BASP1: variants seen among roughly 807,000 people sequenced by gnomAD.
BASP1 encodes the protein brain acid soluble protein 1.
In BASP1, 1 loss-of-function variant was observed where a neutral mutation model predicts 2.2. The observed-to-expected ratio is 0.46, with a 90% CI of 0.16 to 2.17. BASP1 has a LOEUF of 2.17. BASP1 is among the 30% of genes most tolerant of loss of function. BASP1 has a pLI of 0.27. For missense variants in BASP1, 352 were observed against 327.2 expected (o/e 1.08, Z -0.58); for synonymous variants, 187 against 154.2 (o/e 1.21, Z -1.58).
chr5:17,219,240 G>C (rs1739341265), intron 1 of BASP1, among the ~76,000 whole-genome samples: 1 of 152,250 alleles, frequency 6.6e-6, no homozygotes, highest in South Asian at 2.1e-4. Context: ...GGTGTGGAGG[G>C]CCCGGCAGCC....
chr5:17,241,536 C>A (rs759439385), intron 1 of BASP1, among the ~76,000 whole-genome samples: 9 of 152,200 alleles, frequency 5.9e-5, no homozygotes, highest in Non-Finnish European at 1.2e-4. Context: ...CATCTTAGTT[C>A]ATGTTGCATG....
intron 1 of BASP1, among the ~76,000 whole-genome samples, chr5:17,242,252 A>G (rs17615337): frequency 0.073 from 11,181 of 152,192 alleles, 578 homozygotes; most frequent in Middle Eastern, 0.12. Flanking sequence ...AAATAGTAGA[A>G]GTTTTTGTAT....
chr5:17,261,204 A>G (rs946615937), intron 1 of BASP1, among the ~76,000 whole-genome samples: 1 of 152,246 alleles, frequency 6.6e-6, no homozygotes, highest in African/African-American at 2.4e-5. Flanking sequence ...ACACATGTGG[A>G]TGCTGACTGT....
chr5:17,219,384 C>A (rs1186222641), intron 1 of BASP1, among the ~76,000 whole-genome samples: 6 of 152,190 alleles, frequency 3.9e-5, no homozygotes, highest in Non-Finnish European at 8.8e-5. Context: ...TTCTTCTTTT[C>A]CAGGCTGTCT....
intron 1 of BASP1, among the ~76,000 whole-genome samples, chr5:17,228,363 C>A (rs773054158): frequency 3.9e-5 from 6 of 152,104 alleles, no homozygotes; most frequent in Non-Finnish European, 8.8e-5. Flanking sequence ...TAACATGGTT[C>A]CACTACGGTA....
At chr5:17,249,294 G>T (rs1177521807) in intron 1 of BASP1, among the ~76,000 whole-genome samples, 1 of 152,074 alleles carries the variant, frequency 6.6e-6, no homozygotes. Flanking sequence ...AAGCAAATTT[G>T]GTCAAAACAA....
At chr5:17,224,640 G>T (rs933270724) in intron 1 of BASP1, among the ~76,000 whole-genome samples, 1 of 152,194 alleles carries the variant, frequency 6.6e-6, no homozygotes, top group Non-Finnish European at 1.5e-5. Flanking sequence ...GATTAGAGGT[G>T]CTTCTTGTCA....
chr5:17,232,780 CCCT>C (rs1456254526), intron 1 of BASP1, among the ~76,000 whole-genome samples: 1 of 152,058 alleles, frequency 6.6e-6, no homozygotes, highest in Non-Finnish European at 1.5e-5. Context: ...GATTTACTCC[CCCT>C]CCTCTTCCAT....
At position 17,224,823 on chromosome 5, in the gene BASP1, A is replaced by T. The variant is rs544103104; in HGVS notation, c.-10+7013A>T. Reference sequence around the variant, plus strand: ...TACTTATCTGCAATTTTGCTCTGAGATATGGACCAGGCTCTAGCAGACCGT... The same window carrying T: ...TACTTATCTGCAATTTTGCTCTGAGTTATGGACCAGGCTCTAGCAGACCGT... On this transcript the variant is annotated intron_variant, in intron 1 of 1. Coordinates refer to ENST00000322611, the MANE Select transcript of BASP1 (RefSeq NM_006317.5). 6.6e-5 allele frequency among the ~76,000 whole-genome samples: 10 copies of T among 152,304 alleles called. No homozygotes were observed. In the South Asian group the frequency reaches 2.1e-3, roughly 32 times the overall value.
chr5:17,253,535 A>G (rs572449382), intron 1 of BASP1, among the ~76,000 whole-genome samples: 4 of 152,168 alleles, frequency 2.6e-5, no homozygotes, highest in Non-Finnish European at 5.9e-5. Context: ...TTACAAGTGT[A>G]ATGATGGTTT....
chr5:17,222,621 T>C (rs1170554504), intron 1 of BASP1, among the ~76,000 whole-genome samples: 2 of 152,218 alleles, frequency 1.3e-5, no homozygotes, highest in East Asian at 3.8e-4. Flanking sequence ...GCATTCTCCT[T>C]TTCCCTCTAG....
chr5:17,227,610 G>T (rs752725335), intron 1 of BASP1, among the ~76,000 whole-genome samples: 5 of 151,822 alleles, frequency 3.3e-5, no homozygotes, highest in Non-Finnish European at 7.4e-5. Flanking sequence ...CACTATATTG[G>T]CCAGGCTGGT....
chr5:17,251,721 T>G lies in BASP1; in HGVS notation c.-9-23487T>G, dbSNP rs1740105010. 1.3e-5 allele frequency among the ~76,000 whole-genome samples: 2 copies of G among 152,196 alleles called. No homozygotes were observed. Among genetic ancestry groups the G allele is most frequent in the African/African-American group, 4.8e-5 (2 of 41,442 alleles). On this transcript the variant is annotated intron_variant, in intron 1 of 1. Transcript: ENST00000322611. The surrounding 1 kb of genome is among the most constrained non-coding windows in gnomAD (Gnocchi z 4.0). ...AGGGTAGCGGTGGTGGTGGTGAAAG[T>G]TGGTCCAGAAAGACTCCCACATTTC... is the stretch of plus-strand genomic sequence containing the variant.
chr5:17,226,816 T>C (rs1166820410), intron 1 of BASP1, among the ~76,000 whole-genome samples: 1 of 152,200 alleles, frequency 6.6e-6, no homozygotes, highest in East Asian at 1.9e-4. Flanking sequence ...TCCTTAATTC[T>C]GCAATGCACC....
chr5:17,264,345 T>A (rs1245107515), intron 1 of BASP1, among the ~76,000 whole-genome samples: 2 of 152,266 alleles, frequency 1.3e-5, no homozygotes, highest in East Asian at 3.8e-4. Flanking sequence ...TATCTTGGAT[T>A]CTTTCCACTT....
At chr5:17,244,089 A>G (rs937996239) in intron 1 of BASP1, among the ~76,000 whole-genome samples, 1 of 152,262 alleles carries the variant, frequency 6.6e-6, no homozygotes, top group African/African-American at 2.4e-5. Flanking sequence ...GTGAGATTCT[A>G]TACATGAACA....
In BASP1 at chr5:17,275,615, G is replaced by A. The variant is rs751304010; in HGVS notation, c.399G>A (p.Ala133=). 9.5e-6 allele frequency: 14 copies of A among 1,471,528 alleles called. No homozygotes were observed. The South Asian group carries it at 1.6e-4, about 17-fold the overall frequency. The allele number at this position is 1,471,528 out of a possible 1,614,324, so 91.2% of individuals were successfully genotyped here. ...CCGCCGCGGCCCCGGCCGAGAGCGC[G>A]GCCCCTGCCGCCGGGGAGGAGCCCA... The part of the protein sequence containing the change: ...AEAAAAPAES[A]APAAGEEPSK... Residue 133 remains alanine, a synonymous_variant, in exon 2 of 2, where the codon GCG becomes GCA. Coordinates refer to ENST00000322611, the MANE Select transcript of BASP1 (RefSeq NM_006317.5). This position sits in a 1 kb window ranked among gnomAD's most constrained non-coding sequence, Gnocchi z 5.3.
At chr5:17,227,628 T>G (rs1243515487) in intron 1 of BASP1, among the ~76,000 whole-genome samples, 1 of 151,838 alleles carries the variant, frequency 6.6e-6, no homozygotes, top group East Asian at 1.9e-4. Flanking sequence ...GGTCACAAAC[T>G]CCTAACCTCA....
intron 1 of BASP1, among the ~76,000 whole-genome samples, chr5:17,232,289 G>A (rs562449460): frequency 1.3e-5 from 2 of 152,318 alleles, no homozygotes; most frequent in African/African-American, 4.8e-5. Context: ...GTTATTGAAT[G>A]CTTTTGGTCT....
Sources: gnomAD v4.1 joint callset for allele counts (sites outside exome capture counted in the v4.1 genomes callset) on GRCh38, gnomAD v4.1.1 for gene constraint, Gnocchi (gnomAD v3.1) non-coding constraint, MANE v1.5 for transcripts, NCBI Gene and HGNC (gene_info 2026-07-23, HGNC 2026-07-21) for gene names.